Variants in STAG1 observed in about 807,000 individuals in gnomAD.
The protein encoded by STAG1 is STAG1 cohesin complex component.
A neutral mutation model predicts 170.9 loss-of-function variants in STAG1; 26 were observed. That is an observed-to-expected ratio of 0.15 (90% CI 0.11 to 0.21). The LOEUF is 0.21. STAG1 is among the 10% of genes least tolerant of loss of function. The probability of loss-of-function intolerance (pLI) is 1.00; values close to 1 mark genes in which losing one functional copy is unlikely to be tolerated. For missense variants in STAG1, 964 were observed against 1,509.5 expected (o/e 0.64, Z 5.99); for synonymous variants, 514 against 497.7 (o/e 1.03, Z -0.44).
intron 7 of STAG1, among the ~76,000 whole-genome samples, chr3:136,510,847 G>A (rs1453904459): frequency 6.6e-6 from 1 of 151,754 alleles, no homozygotes; most frequent in Non-Finnish European, 1.5e-5. Flanking sequence ...GTGCAATCTT[G>A]ACTCACTGCA....
At chr3:136,563,515 C>A (rs529212802) in intron 5 of STAG1, among the ~76,000 whole-genome samples, 1 of 151,770 alleles carries the variant, frequency 6.6e-6, no homozygotes, top group Non-Finnish European at 1.5e-5. Flanking sequence ...TTCCGACACA[C>A]ACACACGCAC....
In STAG1 at chr3:136,486,656, G is replaced by A. The variant is rs116234341; in HGVS notation, c.903-9244C>T. On this transcript the variant is annotated intron_variant, in intron 9 of 33. Coordinates refer to ENST00000383202, the MANE Select transcript of STAG1 (RefSeq NM_005862.3). ...AGGACAAAGTCAATAGGTACAGCAT[G>A]CTGATTAAAACTTAGTGACTACTCA... Among the ~76,000 whole-genome samples, 1,290 of 152,220 alleles carry A rather than the reference G, an allele frequency of 8.5e-3. 22 individuals are homozygous for A. Among genetic ancestry groups the A allele is most frequent in the African/African-American group, 0.03 (1,235 of 41,520 alleles).
intron 15 of STAG1, among the ~76,000 whole-genome samples, chr3:136,436,741 T>C (rs1378994715): frequency 6.6e-6 from 1 of 152,218 alleles, no homozygotes; most frequent in Non-Finnish European, 1.5e-5. Flanking sequence ...AAAGTTTACA[T>C]TGATTATTTT....
In STAG1 at chr3:136,714,963, A is replaced by ATATT. The variant is rs1249671152; in HGVS notation, c.-84+37231_-84+37232insAATA. On this transcript the variant is annotated intron_variant, in intron 1 of 33. Transcript: ENST00000383202. The stretch of plus-strand genomic sequence containing the variant: ...AATATATATATATATATATATATAT[A>ATATT]TTTTATATATATATTTTTATATATA... Among the ~76,000 whole-genome samples, 38 of 61,710 alleles carry ATATT rather than the reference A, an allele frequency of 6.2e-4. 1 individual carries two copies. The highest frequency in any genetic ancestry group is 1.8e-3 in the African/African-American group (37 of 20,634). 40.5% of individuals were successfully genotyped at this position (61,710 alleles called of 152,430 possible). A position where few individuals can be genotyped will look rare whatever the true frequency, so the allele number is the denominator to read the frequency against.
At chr3:136,739,748 T>A (rs1576835273) in intron 1 of STAG1, among the ~76,000 whole-genome samples, 1 of 151,642 alleles carries the variant, frequency 6.6e-6, no homozygotes, top group East Asian at 2.0e-4. Context: ...CACTTGAACC[T>A]AGGAGGCAGA....
chr3:136,614,627 A>C (rs1939488694), intron 3 of STAG1, among the ~76,000 whole-genome samples: 1 of 152,322 alleles, frequency 6.6e-6, no homozygotes, highest in East Asian at 1.9e-4. Context: ...ACTGTATACT[A>C]TTCAATTTAA....
At chr3:136,358,604 T>TC (rs1398251869) in intron 27 of STAG1, among the ~76,000 whole-genome samples, 4 of 152,194 alleles carry the variant, frequency 2.6e-5, no homozygotes, top group Non-Finnish European at 5.9e-5. Flanking sequence ...AGTCAGGTTC[T>TC]CACTCTGTTT....
chr3:136,548,444 A>G (rs1254379233), intron 5 of STAG1, among the ~76,000 whole-genome samples: 1 of 151,994 alleles, frequency 6.6e-6, no homozygotes, highest in Non-Finnish European at 1.5e-5. Flanking sequence ...TTTGTATCGT[A>G]TTTTGAAGTT....
chr3:136,414,118 A>C (rs1287954601), intron 21 of STAG1, among the ~76,000 whole-genome samples: 1 of 152,222 alleles, frequency 6.6e-6, no homozygotes, highest in Non-Finnish European at 1.5e-5. Flanking sequence ...CTGCTGACTT[A>C]ACAGGGTCGT....
At position 136,336,683 on chromosome 3, in the gene STAG1, A is replaced by T. The variant is rs776015281; in HGVS notation, c.*1571T>A. On this transcript the variant is annotated 3_prime_UTR_variant, in exon 34 of 34. Transcript: ENST00000383202. ...AAGAATTGCTGAATTAGCAGAGAAG[A>T]TATTTTTGGTGACCAGGTTTTTTTC... 1.3e-5 allele frequency: 2 copies of T among 152,228 alleles called. No homozygotes were observed. Among genetic ancestry groups the T allele is most frequent in the African/African-American group, 4.8e-5 (2 of 41,462 alleles). 9.4% of individuals were successfully genotyped at this position (152,228 alleles called of 1,614,324 possible).
chr3:136,739,821 T>G (rs1308709732), intron 1 of STAG1, among the ~76,000 whole-genome samples: 1 of 151,380 alleles, frequency 6.6e-6, no homozygotes, highest in South Asian at 2.1e-4. Context: ...CAAGACTTCA[T>G]CTCAAAAAAA....
At chr3:136,515,385 A>C (rs1308108997) in intron 7 of STAG1, among the ~76,000 whole-genome samples, 1 of 152,116 alleles carries the variant, frequency 6.6e-6, no homozygotes, top group African/African-American at 2.4e-5. Flanking sequence ...ACAACAAACA[A>C]CATTAGACAA....
intron 9 of STAG1, among the ~76,000 whole-genome samples, chr3:136,494,595 A>T (rs141685660): frequency 1.6e-4 from 24 of 152,176 alleles, no homozygotes; most frequent in African/African-American, 5.8e-4. Context: ...ACCATGTGGA[A>T]TTTCTCCCAG....
intron 3 of STAG1, among the ~76,000 whole-genome samples, chr3:136,608,302 T>C (rs1489668793): frequency 6.9e-6 from 1 of 145,178 alleles, no homozygotes; most frequent in Non-Finnish European, 1.5e-5. Flanking sequence ...AGCACAGGGG[T>C]AGACAAGGTG....
rs1054764424 is a variant in STAG1, at chr3:136,665,245, T to C, written c.-83-34264A>G. Among the ~76,000 whole-genome samples, 6 of 152,330 alleles carry C rather than the reference T, an allele frequency of 3.9e-5. No homozygotes were observed. In the East Asian group the frequency reaches 7.7e-4, roughly 20 times the overall value. ...CTTGAGATGAGATATTGAACTGTTATACAATGAGATCTTTGAGGACCTTGG... is the reference window on the plus strand; with the variant it reads ...CTTGAGATGAGATATTGAACTGTTACACAATGAGATCTTTGAGGACCTTGG... On this transcript the variant is annotated intron_variant, in intron 1 of 33. Coordinates refer to ENST00000383202, the MANE Select transcript of STAG1 (RefSeq NM_005862.3).
At chr3:136,518,324 G>A in intron 7 of STAG1, 1 of 683,434 alleles carries the variant, frequency 1.5e-6, no homozygotes, top group Non-Finnish European at 2.7e-6. Flanking sequence ...ATCATATCTG[G>A]CCATAACTGC....
chr3:136,340,331 A>G (rs910685224), intron 32 of STAG1, among the ~76,000 whole-genome samples, 160 bp downstream of exon 32: 1 of 152,126 alleles, frequency 6.6e-6, no homozygotes, highest in Non-Finnish European at 1.5e-5. Context: ...CATATTGGTC[A>G]GGCTGGTTTC....
chr3:136,549,259 C>T (rs895348019), intron 5 of STAG1, among the ~76,000 whole-genome samples: 1 of 151,946 alleles, frequency 6.6e-6, no homozygotes, highest in African/African-American at 2.4e-5. Flanking sequence ...CATCCTGTTA[C>T]TTTGCCGAAT....
At chr3:136,746,629 T>C (rs1232687381) in intron 1 of STAG1, among the ~76,000 whole-genome samples, 8 of 152,310 alleles carry the variant, frequency 5.3e-5, no homozygotes, top group African/African-American at 1.9e-4. Flanking sequence ...CCACCAATAA[T>C]ACCCCTACTC....
Sources: gnomAD v4.1 joint callset for allele counts (sites outside exome capture counted in the v4.1 genomes callset) on GRCh38, gnomAD v4.1.1 for gene constraint, MANE v1.5 for transcripts, NCBI Gene and HGNC (gene_info 2026-07-23, HGNC 2026-07-21) for gene names.